TRPC5: variants seen among roughly 807,000 people sequenced by gnomAD.
TRPC5 encodes the protein transient receptor potential cation channel subfamily C member 5, also known as short transient receptor potential channel 5.
TRPC5 carries 9 observed loss-of-function variants against 56.5 expected under a neutral mutation model. The observed-to-expected ratio is 0.16, with a 90% confidence interval of 0.10 to 0.28. The LOEUF is 0.28. Ranked by LOEUF, TRPC5 falls within the 10% of genes least tolerant of loss-of-function variation. TRPC5 has a pLI of 1.00. For synonymous variants in TRPC5, 282 were observed against 278.5 expected, an observed-to-expected ratio of 1.01 and a Z score of -0.13; for missense variants, 469 against 748.9, an observed-to-expected ratio of 0.63 and a Z score of 4.36.
At chrX:112,041,323 G>A (rs755703819) in intron 1 of TRPC5, among the ~76,000 whole-genome samples, 7 of 111,928 alleles carry the variant, frequency 6.3e-5, no homozygotes, top group South Asian at 3.7e-4. Flanking sequence ...ATAGTTACCC[G>A]CTAAGACCTA....
At chrX:112,070,991 G>A (rs924435788) in intron 1 of TRPC5, among the ~76,000 whole-genome samples, 2 of 111,368 alleles carry the variant, frequency 1.8e-5, no homozygotes, top group Non-Finnish European at 3.8e-5. Context: ...AAAATCCTGT[G>A]AAGTTGGGCT....
chrX:111,950,250 A>G (rs771645331), intron 2 of TRPC5, among the ~76,000 whole-genome samples: 14 of 110,296 alleles, frequency 1.3e-4, no homozygotes, highest in East Asian at 8.6e-4. Context: ...GCATCAACCC[A>G]GGAGGTGGAG....
chrX:111,976,412 ACTGACAGAGTGAGACCCTGTCT>A (rs1408208993), intron 1 of TRPC5, among the ~76,000 whole-genome samples: 2 of 111,283 alleles, frequency 1.8e-5, no homozygotes, highest in Non-Finnish European at 1.9e-5. Context: ...TGCCACTCTC[ACTGACAGAGTGAGACCCTGTCT>A]CTGAATAAAT....
intron 2 of TRPC5, among the ~76,000 whole-genome samples, chrX:111,944,301 T>TGAGAGAGA (rs1166564102): frequency 4.7e-5 from 4 of 84,578 alleles, no homozygotes; most frequent in Non-Finnish European, 6.6e-5. Flanking sequence ...TGTGTGTGTG[T>TGAGAGAGA]GTGAGAGAGA....
At chrX:111,975,942 C>CA (rs1569528979) in intron 1 of TRPC5, among the ~76,000 whole-genome samples, 1 of 111,005 alleles carries the variant, frequency 9.0e-6, no homozygotes, top group Non-Finnish European at 1.9e-5. Context: ...CAAAAAACAA[C>CA]AAAAAAATCA....
rs143838679 is a variant in TRPC5 at position 111,884,287 on chromosome X, G to T, written c.900+28004C>A. On this transcript the variant is annotated intron_variant, in intron 3 of 10. Coordinates refer to ENST00000262839, the MANE Select transcript of TRPC5 (RefSeq NM_012471.3). ...TATATTTAGTCAGAGCTAGTTAGGG[G>T]CCTAGTCAGAGCCCAGTTTAGGCCT... is the stretch of plus-strand genomic sequence containing the variant. Among the ~76,000 whole-genome samples, 624 of 112,402 alleles carry T rather than the reference G, an allele frequency of 5.6e-3. 3 individuals are homozygous for T. Among genetic ancestry groups the T allele is most frequent in the African/African-American group, 0.019 (594 of 31,002 alleles).
intron 7 of TRPC5, among the ~76,000 whole-genome samples, chrX:111,799,402 ACT>A (rs761272045): frequency 1.3e-4 from 15 of 111,311 alleles, no homozygotes; most frequent in Non-Finnish European, 2.6e-4. Flanking sequence ...TGCCCTGGCC[ACT>A]CAGAATGCTG....
intron 1 of TRPC5, among the ~76,000 whole-genome samples, chrX:112,035,340 T>G (rs1309575259): frequency 9.0e-6 from 1 of 111,145 alleles, no homozygotes; most frequent in African/African-American, 3.3e-5. Context: ...ATTTGTTTAA[T>G]TACTTTTCCA....
At chrX:112,040,865 C>T (rs770654691) in intron 1 of TRPC5, among the ~76,000 whole-genome samples, 1 of 111,984 alleles carries the variant, frequency 8.9e-6, no homozygotes, top group Non-Finnish European at 1.9e-5. Flanking sequence ...TAGTTTGTTT[C>T]AGAGTTGAAG....
intron 7 of TRPC5, among the ~76,000 whole-genome samples, chrX:111,825,154 TCTTTC>T (rs1922163715): frequency 4.5e-5 from 1 of 22,167 alleles, no homozygotes; most frequent in South Asian, 2.7e-3. Flanking sequence ...TTCCTTTCTT[TCTTTC>T]TTTCTTTCTT....
rs1264541901 is a variant in TRPC5 at position 111,839,874 on chromosome X, A to G, written c.1701-4758T>C. Reference sequence around the variant, plus strand: ...TAGGACTATAGGCATGCATCACCACACCCAGCTAATTTTTTTCAAAATGCG... The same window carrying G: ...TAGGACTATAGGCATGCATCACCACGCCCAGCTAATTTTTTTCAAAATGCG... On this transcript the variant is annotated intron_variant, in intron 6 of 10. Transcript: ENST00000262839. 3.7e-5 allele frequency among the ~76,000 whole-genome samples: 4 copies of G among 107,922 alleles called. No individual in the cohort carries two copies. In the East Asian group the frequency reaches 1.2e-3, roughly 32 times the overall value. 93.7% of individuals were successfully genotyped at this position (107,922 alleles called of 115,157 possible).
At chrX:111,794,302 A>G (rs951514223) in intron 7 of TRPC5, among the ~76,000 whole-genome samples, 1 of 111,716 alleles carries the variant, frequency 9.0e-6, no homozygotes, top group Non-Finnish European at 1.9e-5. Context: ...ATTAATCTAT[A>G]TGTCCATCTC....
chrX:111,875,263 A>G (rs1460713827), intron 3 of TRPC5, among the ~76,000 whole-genome samples: 1 of 112,198 alleles, frequency 8.9e-6, no homozygotes, highest in Non-Finnish European at 1.9e-5. Flanking sequence ...TGCCTGGCAC[A>G]TAGTGAATGT....
chrX:111,973,511 G>T (rs1214396281), intron 1 of TRPC5, among the ~76,000 whole-genome samples: 1 of 111,532 alleles, frequency 9.0e-6, no homozygotes, highest in Non-Finnish European at 1.9e-5. Context: ...GTAGCTTAAT[G>T]CCCTTGGTGA....
chrX:111,838,126 A>C (rs1922623130), intron 6 of TRPC5, among the ~76,000 whole-genome samples: 1 of 110,637 alleles, frequency 9.0e-6, no homozygotes, highest in Non-Finnish European at 1.9e-5. Context: ...TGCATGCATA[A>C]ATAAATAAAT....
intron 1 of TRPC5, among the ~76,000 whole-genome samples, chrX:111,965,055 T>A (rs1474653821): frequency 9.0e-6 from 1 of 111,323 alleles, no homozygotes; most frequent in African/African-American, 3.3e-5. Flanking sequence ...TCAAGACCCA[T>A]CAGCGTGCTG....
In TRPC5 at chrX:111,774,894, T is replaced by C. The variant is rs765906397; in HGVS notation, c.*1419A>G. On this transcript the variant is annotated 3_prime_UTR_variant, in exon 11 of 11. Transcript: ENST00000262839. Reference sequence around the variant, plus strand: ...TAATCTCTAGGACTCAGACCTAGAGTTGTTTCAGGTCATATGTTAGAGTCT... The same window carrying C: ...TAATCTCTAGGACTCAGACCTAGAGCTGTTTCAGGTCATATGTTAGAGTCT... 4.5e-5 allele frequency: 5 copies of C among 110,163 alleles called. No individual in the cohort carries two copies. The highest frequency in any genetic ancestry group is 1.7e-4 in the African/African-American group (5 of 30,295). 9.1% of individuals were successfully genotyped at this position (110,163 alleles called of 1,213,427 possible).
chrX:111,904,711 T>C (rs1293862126), intron 3 of TRPC5, among the ~76,000 whole-genome samples: 2 of 111,165 alleles, frequency 1.8e-5, no homozygotes, highest in African/African-American at 3.3e-5. Flanking sequence ...AGGTGATGGG[T>C]TGATCAGTGC....
chrX:111,952,644 A>G (rs1029473466), intron 1 of TRPC5, among the ~76,000 whole-genome samples: 3 of 111,070 alleles, frequency 2.7e-5, no homozygotes, highest in Non-Finnish European at 5.7e-5. Context: ...TCCTGGTTTT[A>G]TGACTTACCA....
Sources: gnomAD v4.1 joint callset for allele counts (sites outside exome capture counted in the v4.1 genomes callset) on GRCh38, gnomAD v4.1.1 for gene constraint, MANE v1.5 for transcripts, NCBI Gene and HGNC (gene_info 2026-07-23, HGNC 2026-07-21) for gene names.